POLR1F: variants seen among roughly 807,000 people sequenced by gnomAD.
The protein encoded by POLR1F is DNA-directed RNA polymerase I subunit RPA43.
In POLR1F, 23 loss-of-function variants were observed where a neutral mutation model predicts 21.8. The observed-to-expected ratio is 1.05, with a 90% CI of 0.76 to 1.49. The LOEUF (loss-of-function observed/expected upper bound fraction) is 1.49. Among genes scored for constraint, POLR1F ranks in the 40% most tolerant of loss-of-function variants. POLR1F has a pLI of 0.00. For synonymous variants in POLR1F, 162 were observed against 152.8 expected (o/e 1.06, Z -0.45); for missense variants, 435 against 412.1 (o/e 1.06, Z -0.48).
intron 1 of POLR1F, among the ~76,000 whole-genome samples, chr7:19,708,158 G>C (rs1354172815): frequency 6.6e-6 from 1 of 151,992 alleles, no homozygotes; most frequent in African/African-American, 2.4e-5. Context: ...TCACTAGTTC[G>C]ACTGAATAAA....
At position 19,698,499 on chromosome 7, in the gene POLR1F, CTTT is replaced by C. The variant is rs1783404156; in HGVS notation, c.831_833del (p.Lys283del). The C allele has an allele frequency of 6.2e-7, 1 of 1,607,162 alleles. No individual in the cohort carries two copies. Among genetic ancestry groups the C allele is most frequent in the South Asian group, 1.1e-5 (1 of 89,352 alleles). Reference sequence around the variant, plus strand: ...CTTCCTGGTGCTTTTTCTTCTTCTTCTTTTTCTTTGGCTCCTCCTCCCAGATGC... The same window carrying C: ...CTTCCTGGTGCTTTTTCTTCTTCTTCTTCTTTGGCTCCTCCTCCCAGATGC... On this transcript the variant is annotated inframe_deletion, in exon 4 of 4. Transcript: ENST00000222567.
intron 1 of POLR1F, among the ~76,000 whole-genome samples, chr7:19,707,626 A>T (rs1583404032): frequency 6.6e-6 from 1 of 152,156 alleles, no homozygotes; most frequent in African/African-American, 2.4e-5. Flanking sequence ...ACCCTCTTCA[A>T]TCAAGTTGTT....
At chr7:19,706,970 G>C (rs139667674) in intron 1 of POLR1F, among the ~76,000 whole-genome samples, 62 of 152,308 alleles carry the variant, frequency 4.1e-4, no homozygotes, top group South Asian at 8.3e-4. Flanking sequence ...GGAAGGAGTG[G>C]TGTCCAGATC....
chr7:19,700,916 T>C (rs1279012717), intron 2 of POLR1F, among the ~76,000 whole-genome samples: 2 of 152,236 alleles, frequency 1.3e-5, no homozygotes, highest in East Asian at 3.8e-4. Flanking sequence ...GTATGTGCTA[T>C]ATGATTTTAA....
chr7:19,708,517 C>T (rs987681666), intron 1 of POLR1F, among the ~76,000 whole-genome samples: 2 of 152,218 alleles, frequency 1.3e-5, no homozygotes, highest in African/African-American at 4.8e-5. Flanking sequence ...AGAATCTCCA[C>T]TCCCTCCGCC....
At chr7:19,706,959 TGGAAG>T (rs1783534670) in intron 1 of POLR1F, among the ~76,000 whole-genome samples, 1 of 152,206 alleles carries the variant, frequency 6.6e-6, no homozygotes, top group African/African-American at 2.4e-5. Flanking sequence ...CCAAGTAATA[TGGAAG>T]GAGTGGTGTC....
intron 3 of POLR1F, among the ~76,000 whole-genome samples, chr7:19,699,248 T>C (rs910275321): frequency 6.6e-6 from 1 of 152,192 alleles, no homozygotes; most frequent in Non-Finnish European, 1.5e-5. Context: ...TACTTTAACA[T>C]TGTGAATTAT....
chr7:19,702,634 C>T (rs1032158942), intron 2 of POLR1F, among the ~76,000 whole-genome samples: 2 of 152,074 alleles, frequency 1.3e-5, no homozygotes, highest in Admixed American at 6.5e-5. Flanking sequence ...AGACAAGTCA[C>T]AGATTGGAAG....
chr7:19,708,752 G>A lies in POLR1F; in HGVS notation c.254+11C>T. 1.9e-6 allele frequency: 3 copies of A among 1,595,076 alleles called. No individual in the cohort carries two copies. Among genetic ancestry groups the A allele is most frequent in the Non-Finnish European group, 2.6e-6 (3 of 1,164,256 alleles). On this transcript the variant is annotated intron_variant, in intron 1 of 3. Transcript: ENST00000222567. Reference sequence around the variant, plus strand: ...GTGCACAAAAGAAGGAACAGGCAAAGAGATCGGTACCTCTCAGAATAGCGA... The same window carrying A: ...GTGCACAAAAGAAGGAACAGGCAAAAAGATCGGTACCTCTCAGAATAGCGA...
chr7:19,702,075 C>A (rs1212720080), intron 2 of POLR1F, among the ~76,000 whole-genome samples: 1 of 152,128 alleles, frequency 6.6e-6, no homozygotes, highest in Non-Finnish European at 1.5e-5. Context: ...AATGCCATGA[C>A]ACATTTGTGG....
chr7:19,698,837 A>G, intron 3 of POLR1F, 110 bp from the exon 4 acceptor site: 2 of 819,760 alleles, frequency 2.4e-6, no homozygotes. Flanking sequence ...TGACTCCAGT[A>G]CAAGACACAT....
intron 2 of POLR1F, among the ~76,000 whole-genome samples, chr7:19,701,307 T>C (rs947246328): frequency 1.3e-5 from 2 of 152,210 alleles, no homozygotes; most frequent in African/African-American, 4.8e-5. Flanking sequence ...ACATACTCTA[T>C]TCTTCTTCTT....
Position 19,700,189 on chromosome 7 carries a change from G to C in POLR1F, c.488C>G (p.Ala163Gly), listed in dbSNP as rs199735744. Residue 163 changes from alanine to glycine, a missense_variant, in exon 3 of 4, where the codon GCT becomes GGT. Transcript: ENST00000222567. Reference sequence around the variant, plus strand: ...TATCTCCATGGTTTGCCACTGCTCAGCTGACAACTGCTCAGGTTTAGGAAT... The same window carrying C: ...TATCTCCATGGTTTGCCACTGCTCACCTGACAACTGCTCAGGTTTAGGAAT... The part of the protein sequence containing the change: ...ASIPKPEQLS[A>G]EQWQTMEINM... 4 of 1,613,846 alleles carry C rather than the reference G, an allele frequency of 2.5e-6. No individual in the cohort carries two copies. The East Asian group carries it at 6.7e-5, about 27-fold the overall frequency.
chr7:19,703,683 C>T (rs1392227070), intron 2 of POLR1F, among the ~76,000 whole-genome samples: 1 of 152,154 alleles, frequency 6.6e-6, no homozygotes, highest in Non-Finnish European at 1.5e-5. Flanking sequence ...CAGCCTTGAA[C>T]CCCTGGGCTC....
chr7:19,702,055 T>A (rs1655410829), intron 2 of POLR1F, among the ~76,000 whole-genome samples: 1 of 152,126 alleles, frequency 6.6e-6, no homozygotes, highest in South Asian at 2.1e-4. Context: ...TGAGGAGCAA[T>A]ACCTCAATAA....
At chr7:19,706,226 G>A (rs1291806618) in intron 1 of POLR1F, among the ~76,000 whole-genome samples, 1 of 152,000 alleles carries the variant, frequency 6.6e-6, no homozygotes, top group South Asian at 2.1e-4. Flanking sequence ...AGACTTACTC[G>A]GGAAAGCAAT....
chr7:19,696,421 A>G lies in POLR1F; in HGVS notation c.*1895T>C, dbSNP rs568570219. 2.0e-5 allele frequency: 3 copies of G among 152,218 alleles called. No individual in the cohort carries two copies. The highest frequency in any genetic ancestry group is 1.9e-4 in the East Asian group (1 of 5,186). 9.4% of individuals were successfully genotyped at this position (152,218 alleles called of 1,614,324 possible). On this transcript the variant is annotated 3_prime_UTR_variant, in exon 4 of 4. Transcript: ENST00000222567. ...GAACTTGCTTATTTGCTAAGCCACA[A>G]TGTATTTTTCCAGGAATAGCATAAA...
chr7:19,698,687 C>A lies in POLR1F; in HGVS notation c.646G>T (p.Glu216Ter), dbSNP rs1783408619. 1 of 1,564,742 alleles carries A rather than the reference C, an allele frequency of 6.4e-7. No homozygotes were observed. Among genetic ancestry groups the A allele is most frequent in the Admixed American group, 2.2e-5 (1 of 45,198 alleles). ...TTAGCAGCTTCCTCAGTGCCATTTTCTGTAACTTCTTCAGAAACTTCAGAG... is the reference window on the plus strand; with the variant it reads ...TTAGCAGCTTCCTCAGTGCCATTTTATGTAACTTCTTCAGAAACTTCAGAG... Reference protein sequence around the residue: ...KRSEVSEEVTENGTEEAAKKP... With the variant: ...KRSEVSEEVT Residue 216 changes from glutamate (E) to a stop codon, truncating the protein, a stop_gained, in exon 4 of 4, where the codon GAA becomes TAA. Coordinates refer to ENST00000222567, the MANE Select transcript of POLR1F (RefSeq NM_001002926.2). LOFTEE classifies it low-confidence loss of function (END_TRUNC).
intron 2 of POLR1F, among the ~76,000 whole-genome samples, chr7:19,703,598 G>C (rs1385654529): frequency 6.6e-6 from 1 of 152,042 alleles, no homozygotes; most frequent in African/African-American, 2.4e-5. Flanking sequence ...TTCCGTGTAT[G>C]TGTGTGTGTA....
Sources: allele counts gnomAD v4.1 joint callset (sites outside exome capture counted in the v4.1 genomes callset), GRCh38; gene constraint gnomAD v4.1.1; transcripts MANE v1.5; gene names NCBI Gene and HGNC (gene_info 2026-07-23, HGNC 2026-07-21).